GMPR: variants seen among roughly 807,000 people sequenced by gnomAD.
The protein encoded by GMPR is guanosine monophosphate reductase.
GMPR carries 31 observed loss-of-function variants against 38.4 expected under a neutral mutation model. That is an observed-to-expected ratio of 0.81 (90% confidence interval 0.61 to 1.09). The LOEUF (loss-of-function observed/expected upper bound fraction) is 1.09, where lower values mean the gene tolerates loss of function less well. Among genes scored for constraint, GMPR ranks in the 50% least tolerant of loss-of-function variants. The pLI is 0.00. For missense variants in GMPR, 468 were observed against 453.7 expected (o/e 1.03, Z -0.29); for synonymous variants, 162 against 173.3 (o/e 0.93, Z 0.51).
intron 4 of GMPR, among the ~76,000 whole-genome samples, chr6:16,266,913 G>A (rs1759256693): frequency 6.6e-6 from 1 of 152,048 alleles, no homozygotes; most frequent in South Asian, 2.1e-4. Flanking sequence ...CCACCTTTAA[G>A]AGCTGTAACA....
intron 8 of GMPR, among the ~76,000 whole-genome samples, chr6:16,293,353 T>C (rs909518319): frequency 2.0e-5 from 3 of 152,140 alleles, no homozygotes; most frequent in African/African-American, 7.2e-5. Context: ...CAGGCACAAG[T>C]GTACAGACGC....
At chr6:16,289,723 A>G (rs574647710) in intron 7 of GMPR, among the ~76,000 whole-genome samples, 2 of 151,552 alleles carry the variant, frequency 1.3e-5, no homozygotes, top group South Asian at 2.1e-4. Context: ...TTCCTGATGT[A>G]TAAGCACAGG....
At chr6:16,294,307 C>A (rs1175610065) in intron 8 of GMPR, among the ~76,000 whole-genome samples, 1 of 152,142 alleles carries the variant, frequency 6.6e-6, no homozygotes, top group African/African-American at 2.4e-5. Flanking sequence ...AACAGGGAGT[C>A]GAACTGGGGG....
chr6:16,294,997 GTC>G lies in GMPR; in HGVS notation c.858-7_858-6del, dbSNP rs1759909610. On this transcript the variant is annotated splice_region_variant and splice_polypyrimidine_tract_variant and intron_variant, in intron 8 of 8. Coordinates refer to ENST00000259727, the MANE Select transcript of GMPR (RefSeq NM_006877.4). The stretch of plus-strand genomic sequence containing the variant: ...ACTAGATAAAAAGAAAACTTCTATC[GTC>G]TTCCAGAGCCTCTGAGGGTAAGACT... 6.2e-7 allele frequency: 1 copy of G among 1,601,988 alleles called. No homozygotes were observed. Among genetic ancestry groups the G allele is most frequent in the African/African-American group, 1.4e-5 (1 of 73,824 alleles).
intron 3 of GMPR, among the ~76,000 whole-genome samples, chr6:16,251,608 A>G (rs1758877408): frequency 6.6e-6 from 1 of 152,210 alleles, no homozygotes; most frequent in Non-Finnish European, 1.5e-5. Context: ...CAGAGCATCT[A>G]TGATCCTATT....
chr6:16,260,070 T>C (rs892590700), intron 4 of GMPR, among the ~76,000 whole-genome samples: 6 of 152,092 alleles, frequency 3.9e-5, no homozygotes, highest in African/African-American at 1.4e-4. Flanking sequence ...GGAGCGTCTA[T>C]ACAGGAGCTC....
At chr6:16,288,345 C>T (rs1581666884) in intron 7 of GMPR, among the ~76,000 whole-genome samples, 1 of 152,156 alleles carries the variant, frequency 6.6e-6, no homozygotes, top group Admixed American at 6.5e-5. Context: ...GCCCTGCACT[C>T]GGAGCGGCCG....
At chr6:16,268,060 A>G (rs898531016) in intron 4 of GMPR, among the ~76,000 whole-genome samples, 24 of 152,142 alleles carry the variant, frequency 1.6e-4, no homozygotes, top group African/African-American at 5.8e-4. Context: ...GGGCCTCACC[A>G]TTCAAGTGTC....
chr6:16,248,194 C>T (rs967540025), intron 2 of GMPR, among the ~76,000 whole-genome samples: 7 of 129,352 alleles, frequency 5.4e-5, no homozygotes, highest in Non-Finnish European at 9.2e-5. Context: ...TGCGCCACTG[C>T]ACTCCAGCCT....
intron 6 of GMPR, among the ~76,000 whole-genome samples, chr6:16,280,762 A>G (rs551123501): frequency 2.6e-5 from 4 of 152,278 alleles, no homozygotes; most frequent in Non-Finnish European, 5.9e-5. Context: ...TTAGTCCCCA[A>G]AATCCCCATA....
intron 4 of GMPR, among the ~76,000 whole-genome samples, chr6:16,257,234 C>G (rs1173430649): frequency 5.5e-4 from 84 of 152,252 alleles, no homozygotes; most frequent in Non-Finnish European, 6.3e-4. Context: ...CGTCTACATG[C>G]CTGGAGGGTG....
chr6:16,281,607 C>T (rs954309315), intron 6 of GMPR, among the ~76,000 whole-genome samples: 1 of 151,990 alleles, frequency 6.6e-6, no homozygotes, highest in African/African-American at 2.4e-5. Context: ...CGGGTTCAAG[C>T]GATTCTCCTG....
intron 4 of GMPR, among the ~76,000 whole-genome samples, chr6:16,260,218 C>T (rs915033706): frequency 8.6e-5 from 13 of 151,950 alleles, no homozygotes; most frequent in Admixed American, 2.7e-4. Flanking sequence ...TTAGTCCGTT[C>T]TACTTTTCCT....
chr6:16,247,366 A>G (rs920525969), intron 2 of GMPR, among the ~76,000 whole-genome samples: 4 of 151,604 alleles, frequency 2.6e-5, no homozygotes, highest in Non-Finnish European at 5.9e-5. Flanking sequence ...AACACTGCAG[A>G]TAATGTATTT....
chr6:16,291,908 CAAAA>C (rs758154367), intron 8 of GMPR, among the ~76,000 whole-genome samples: 2 of 78,452 alleles, frequency 2.5e-5, no homozygotes. Flanking sequence ...GATACCCTGC[CAAAA>C]AAAAAAAAAA....
Position 16,283,372 on chromosome 6 carries a change from G to A in GMPR, c.655-2421G>A, listed in dbSNP as rs1395491011. Among the ~76,000 whole-genome samples the A allele has an allele frequency of 2.0e-5, 3 of 152,130 alleles. 1 individual carries two copies. In the East Asian group the frequency reaches 5.8e-4, roughly 29 times the overall value. On this transcript the variant is annotated intron_variant, in intron 6 of 8. Transcript: ENST00000259727. Reference sequence around the variant, plus strand: ...ATGTCTTGATTGCTGGAGCTACACTGCTTCCCGAGAACATGAAAGGACACT... The same window carrying A: ...ATGTCTTGATTGCTGGAGCTACACTACTTCCCGAGAACATGAAAGGACACT...
At chr6:16,278,534 G>C (rs1759519031) in intron 5 of GMPR, among the ~76,000 whole-genome samples, 1 of 152,178 alleles carries the variant, frequency 6.6e-6, no homozygotes, top group Non-Finnish European at 1.5e-5. Context: ...GTGCATGGTA[G>C]AGGGGAAGGC....
At chr6:16,255,334 G>T (rs1346499279) in intron 4 of GMPR, among the ~76,000 whole-genome samples, 1 of 151,928 alleles carries the variant, frequency 6.6e-6, no homozygotes, top group African/African-American at 2.4e-5. Flanking sequence ...CTTTAAAAGG[G>T]GTTTGTATTA....
chr6:16,254,843 T>C (rs1758944579), intron 4 of GMPR, 108 bp downstream of exon 4: 3 of 725,916 alleles, frequency 4.1e-6, no homozygotes, highest in Non-Finnish European at 7.0e-6. Flanking sequence ...TTTTGGTGCC[T>C]CTTTAGTCAA....
Sources: allele counts gnomAD v4.1 joint callset (sites outside exome capture counted in the v4.1 genomes callset), GRCh38; gene constraint gnomAD v4.1.1; transcripts MANE v1.5; gene names NCBI Gene and HGNC (gene_info 2026-07-23, HGNC 2026-07-21).